Variants in RBM20 observed in about 807,000 individuals in gnomAD.
RBM20 encodes the protein RNA-binding protein 20.
In RBM20, 51 loss-of-function variants were observed where a neutral mutation model predicts 110.1. The ratio of observed to expected loss-of-function variants is 0.46; its 90% confidence interval spans 0.37 to 0.59. RBM20 has a LOEUF of 0.59. RBM20 is among the 20% of genes least tolerant of loss of function. The probability of loss-of-function intolerance (pLI) is 0.00; values close to 1 mark genes in which losing one functional copy is unlikely to be tolerated. For missense variants in RBM20, 1,512 were observed against 1,574.9 expected (o/e 0.96, Z 0.68); for synonymous variants, 589 against 618.2 (o/e 0.95, Z 0.70).
chr10:110,781,219 C>A lies in RBM20; in HGVS notation c.610C>A (p.Pro204Thr), dbSNP rs867413790. Residue 204 changes from proline (P) to threonine (T), a missense_variant, in exon 2 of 14, where the codon CCT becomes ACT. This residue lies in a region of RBM20 where 1,149 missense variants were observed against 1,169.4 expected (regional missense o/e 0.98). Transcript: ENST00000369519. ...GATGCATCCTTTCACTGGGGTAATG[C>A]CTCAGACCCCTGGCCAGCCAGCAGT... ...MVMHPFTGVM[P>T]QTPGQPAVIL... The A allele has an allele frequency of 6.4e-7, 1 of 1,551,570 alleles. No individual in the cohort carries two copies.
intron 5 of RBM20, among the ~76,000 whole-genome samples, chr10:110,790,241 C>A (rs186863111): frequency 6.6e-6 from 1 of 152,294 alleles, no homozygotes; most frequent in East Asian, 1.9e-4. Flanking sequence ...TGGCTTAGAG[C>A]GCTCTGGTCT....
rs2134793391 is a variant in RBM20, at chr10:110,644,652, A to C, written c.191+7A>C. The C allele has an allele frequency of 6.7e-7, 1 of 1,491,386 alleles. No homozygotes were observed. Among genetic ancestry groups the C allele is most frequent in the South Asian group, 1.3e-5 (1 of 77,292 alleles). The allele number at this position is 1,491,386 out of a possible 1,614,324, so 92.4% of individuals were successfully genotyped here. On this transcript the variant is annotated splice_region_variant and intron_variant, in intron 1 of 13. Coordinates refer to ENST00000369519, the MANE Select transcript of RBM20 (RefSeq NM_001134363.3). The surrounding 1 kb of genome is among the most constrained non-coding windows in gnomAD (Gnocchi z 4.3). Reference sequence around the variant, plus strand: ...TACCCCAGATCATCCAAAAGTAAGAAGGGAGAAGGGAACAGGGACCACGGG... The same window carrying C: ...TACCCCAGATCATCCAAAAGTAAGACGGGAGAAGGGAACAGGGACCACGGG...
intron 1 of RBM20, among the ~76,000 whole-genome samples, chr10:110,772,776 G>C (rs12258834): frequency 0.019 from 2,868 of 152,296 alleles, 90 homozygotes; most frequent in African/African-American, 0.065. Flanking sequence ...TGCAGAAATA[G>C]CTGAATTTGT....
intron 1 of RBM20, among the ~76,000 whole-genome samples, chr10:110,693,415 T>C (rs1862617846): frequency 6.6e-6 from 1 of 152,218 alleles, no homozygotes; most frequent in Admixed American, 6.5e-5. Flanking sequence ...TAGGAGGTTT[T>C]TGATTACTGA....
chr10:110,831,690 A>AAAAAAC (rs1165869674), intron 13 of RBM20, among the ~76,000 whole-genome samples: 1 of 151,788 alleles, frequency 6.6e-6, no homozygotes, highest in Non-Finnish European at 1.5e-5. Flanking sequence ...AAAAAAAAAA[A>AAAAAAC]ACACTGCTTT....
chr10:110,717,006 C>T (rs183975100), intron 1 of RBM20, among the ~76,000 whole-genome samples: 96 of 151,520 alleles, frequency 6.3e-4, no homozygotes, highest in Non-Finnish European at 4.0e-4. Flanking sequence ...TTTTAAACAT[C>T]GGTTGATTGA....
intron 1 of RBM20, among the ~76,000 whole-genome samples, chr10:110,767,124 C>A (rs1215679641): frequency 8.1e-6 from 1 of 124,154 alleles, no homozygotes; most frequent in Non-Finnish European, 1.8e-5. Flanking sequence ...TGACCCCCCC[C>A]ACCTCCCTCC....
intron 1 of RBM20, among the ~76,000 whole-genome samples, chr10:110,762,589 C>T (rs559040996): frequency 1.2e-4 from 18 of 152,322 alleles, no homozygotes; most frequent in African/African-American, 3.1e-4. Context: ...TATCATGTTA[C>T]GGAGCTCACA....
Position 110,644,537 on chromosome 10 carries a change from G to A in RBM20, c.83G>A (p.Gly28Asp), listed in dbSNP as rs1466787506. The A allele has an allele frequency of 5.9e-6, 9 of 1,527,936 alleles. No homozygotes were observed. The Admixed American group carries it at 1.6e-4, about 27-fold the overall frequency. 94.6% of individuals were successfully genotyped at this position (1,527,936 alleles called of 1,614,324 possible). The part of the protein sequence containing the change: ...QPDRVACSVP[G>D]ARASPAPSGP... ...GACAGAGTTGCCTGCAGTGTGCCTG[G>A]TGCCCGGGCGTCCCCGGCACCCTCC... is the stretch of plus-strand genomic sequence containing the variant. Residue 28 changes from glycine (G) to aspartate (D), a missense_variant, in exon 1 of 14, where the codon GGT becomes GAT. By Grantham distance (94) the Gly-to-Asp change is moderately conservative. Around this residue, in one of 3 missense-constraint regions of RBM20, gnomAD observed 1,149 missense variants for 1,169.4 expected, o/e 0.98. Transcript: ENST00000369519. The surrounding 1 kb of genome is among the most constrained non-coding windows in gnomAD (Gnocchi z 4.3).
At position 110,644,670 on chromosome 10, in the gene RBM20, A is replaced by G; in HGVS notation, c.191+25A>G. 2 of 1,440,680 alleles carry G rather than the reference A, an allele frequency of 1.4e-6. No individual in the cohort carries two copies. Among genetic ancestry groups the G allele is most frequent in the Non-Finnish European group, 1.8e-6 (2 of 1,095,676 alleles). 89.2% of individuals were successfully genotyped at this position (1,440,680 alleles called of 1,614,324 possible). On this transcript the variant is annotated intron_variant, in intron 1 of 13. Transcript: ENST00000369519. The surrounding 1 kb of genome is among the most constrained non-coding windows in gnomAD (Gnocchi z 4.3). ...AGTAAGAAGGGAGAAGGGAACAGGG[A>G]CCACGGGTGCGCCTGGGGACACGCC...
intron 2 of RBM20, among the ~76,000 whole-genome samples, chr10:110,782,839 C>T (rs1252669466): frequency 6.6e-6 from 1 of 152,168 alleles, no homozygotes; most frequent in Non-Finnish European, 1.5e-5. Flanking sequence ...TTGGGTCACA[C>T]CATCCAAGTG....
At chr10:110,746,046 G>T (rs142486390) in intron 1 of RBM20, among the ~76,000 whole-genome samples, 1 of 152,156 alleles carries the variant, frequency 6.6e-6, no homozygotes, top group East Asian at 1.9e-4. Context: ...GCCTTCAGCT[G>T]TTCTTGCCTG....
At chr10:110,759,389 G>A (rs1450073759) in intron 1 of RBM20, among the ~76,000 whole-genome samples, 2 of 152,174 alleles carry the variant, frequency 1.3e-5, no homozygotes, top group African/African-American at 4.8e-5. Flanking sequence ...AGAAATCGCT[G>A]TTTAGAGAGA....
rs1845170310 is a variant in RBM20, at chr10:110,838,972, A to T, written c.*2994A>T. 1 of 152,154 alleles carries T rather than the reference A, an allele frequency of 6.6e-6. No homozygotes were observed. Among genetic ancestry groups the T allele is most frequent in the African/African-American group, 2.4e-5 (1 of 41,428 alleles). 9.4% of individuals were successfully genotyped at this position (152,154 alleles called of 1,614,324 possible). On this transcript the variant is annotated 3_prime_UTR_variant, in exon 14 of 14. Coordinates refer to ENST00000369519, the MANE Select transcript of RBM20 (RefSeq NM_001134363.3). The stretch of plus-strand genomic sequence containing the variant: ...ATTAATGGCAACCAGGTAAATATTG[A>T]TTTATTTTTTAAAGCTTTTCTTCAG...
chr10:110,796,038 C>T (rs962607680), intron 5 of RBM20, among the ~76,000 whole-genome samples: 7 of 152,154 alleles, frequency 4.6e-5, no homozygotes, highest in African/African-American at 1.4e-4. Context: ...ATTTCGAAAA[C>T]CACTGCCCTA....
chr10:110,655,401 T>G (rs1056561881), intron 1 of RBM20, among the ~76,000 whole-genome samples: 2 of 152,064 alleles, frequency 1.3e-5, no homozygotes, highest in Non-Finnish European at 2.9e-5. Flanking sequence ...CTGCTTGTTA[T>G]GCATGTTAAA....
In RBM20 at chr10:110,768,090, C is replaced by T. The variant is rs553239874; in HGVS notation, c.192-12711C>T. On this transcript the variant is annotated intron_variant, in intron 1 of 13. Coordinates refer to ENST00000369519, the MANE Select transcript of RBM20 (RefSeq NM_001134363.3). ...CAAAAAAATACGAAAACCAGTCAGG[C>T]GTGGCGGCGCGCGCCTGCAATCGCA... is the stretch of plus-strand genomic sequence containing the variant. Among the ~76,000 whole-genome samples, 1,271 of 152,332 alleles carry T rather than the reference C, an allele frequency of 8.3e-3. 13 individuals are homozygous for T. The highest frequency in any genetic ancestry group is 0.029 in the African/African-American group (1,194 of 41,578).
chr10:110,757,137 C>T (rs1228976651), intron 1 of RBM20, among the ~76,000 whole-genome samples: 1 of 152,194 alleles, frequency 6.6e-6, no homozygotes, highest in Non-Finnish European at 1.5e-5. Context: ...AGGATTCCTT[C>T]CTAGTGTGGT....
chr10:110,808,341 A>G (rs1398637733), intron 7 of RBM20, among the ~76,000 whole-genome samples: 1 of 152,224 alleles, frequency 6.6e-6, no homozygotes, highest in Non-Finnish European at 1.5e-5. Flanking sequence ...CTTGGTCTGA[A>G]CAAGGTCCAG....
Sources: allele counts gnomAD v4.1 joint callset (sites outside exome capture counted in the v4.1 genomes callset), GRCh38; gene constraint gnomAD v4.1.1; regional missense constraint gnomAD v4.1.1; non-coding constraint Gnocchi (gnomAD v3.1); transcripts MANE v1.5; gene names NCBI Gene and HGNC (gene_info 2026-07-23, HGNC 2026-07-21).